Variants in SPATA22 observed in about 807,000 individuals in gnomAD.
The protein encoded by SPATA22 is spermatogenesis-associated protein 22.
In SPATA22, 29 loss-of-function variants were observed where a neutral mutation model predicts 47.8. The observed-to-expected ratio is 0.61, with a 90% CI of 0.45 to 0.83. SPATA22 has a LOEUF of 0.83. Among genes scored for constraint, SPATA22 ranks in the 40% least tolerant of loss-of-function variants. The pLI, the probability that SPATA22 is intolerant of heterozygous loss-of-function variation, is 0.00. For synonymous variants in SPATA22, 133 were observed against 140.9 expected (o/e 0.94, Z 0.40); for missense variants, 410 against 421.7 (o/e 0.97, Z 0.24).
chr17:3,463,134 A>G (rs35872587), intron 3 of SPATA22, among the ~76,000 whole-genome samples: 35,177 of 152,138 alleles, frequency 0.23, 4,347 homozygotes, highest in East Asian at 0.42. Flanking sequence ...CATGCATGAT[A>G]TATGTGTGAG....
chr17:3,494,590 G>T (rs551314039), intron 1 of SPATA22: 2 of 791,562 alleles, frequency 2.5e-6, no homozygotes, highest in Non-Finnish European at 4.3e-6. Flanking sequence ...AGTGTAGATA[G>T]GGAAGATGTT....
rs77106406 is a variant in SPATA22, at chr17:3,467,148, T to C, written c.172+278A>G. On this transcript the variant is annotated intron_variant, in intron 3 of 8. Coordinates refer to ENST00000572969, the MANE Select transcript of SPATA22 (RefSeq NM_001170698.2). ...CTATAACACAATATCCACGTGAATTTTGACAAAGAAAAAATATTTTTTACA... is the reference window on the plus strand; with the variant it reads ...CTATAACACAATATCCACGTGAATTCTGACAAAGAAAAAATATTTTTTACA... 4.2e-4 allele frequency among the ~76,000 whole-genome samples: 64 copies of C among 152,248 alleles called. 1 individual carries two copies. In the East Asian group the frequency reaches 5.0e-3, roughly 12 times the overall value.
At chr17:3,447,754 T>A (rs2072760238) in intron 6 of SPATA22, among the ~76,000 whole-genome samples, 1 of 152,136 alleles carries the variant, frequency 6.6e-6, no homozygotes, top group African/African-American at 2.4e-5. Flanking sequence ...AGGGGCTACA[T>A]CATGCAGTGA....
upstream of SPATA22, chr17:3,476,502 C>A: frequency 9.7e-7 from 1 of 1,035,630 alleles, no homozygotes; most frequent in Non-Finnish European, 1.5e-6. Context: ...CATGTCCGTA[C>A]ATGCAGTCGT....
chr17:3,496,929 G>A (rs1012383963), intron 1 of SPATA22, among the ~76,000 whole-genome samples: 1 of 152,172 alleles, frequency 6.6e-6, no homozygotes, highest in African/African-American at 2.4e-5. Flanking sequence ...AGCCGGGCAT[G>A]GTGGCAGGCG....
intron 1 of SPATA22, among the ~76,000 whole-genome samples, chr17:3,507,724 C>T (rs532023858): frequency 1.3e-5 from 2 of 152,322 alleles, no homozygotes; most frequent in South Asian, 4.1e-4. Flanking sequence ...ACCTACAAAA[C>T]AATAACCAAC....
intron 5 of SPATA22, among the ~76,000 whole-genome samples, chr17:3,458,981 C>A (rs979861796): frequency 6.6e-6 from 1 of 151,248 alleles, no homozygotes; most frequent in African/African-American, 2.4e-5. Flanking sequence ...AGAAGTAAAT[C>A]CTGCCATTTT....
chr17:3,461,739 G>A (rs1361715530), intron 5 of SPATA22, among the ~76,000 whole-genome samples: 1 of 151,990 alleles, frequency 6.6e-6, no homozygotes, highest in African/African-American at 2.4e-5. Context: ...AATGAGAATA[G>A]TATTAACTTC....
At chr17:3,495,783 G>C (rs2073898932) in intron 1 of SPATA22, among the ~76,000 whole-genome samples, 1 of 152,126 alleles carries the variant, frequency 6.6e-6, no homozygotes, top group Non-Finnish European at 1.5e-5. Flanking sequence ...TGGCCAGGAT[G>C]GTCTCAATCT....
intron 5 of SPATA22, among the ~76,000 whole-genome samples, chr17:3,451,545 C>G (rs1345907725): frequency 6.6e-6 from 1 of 152,146 alleles, no homozygotes; most frequent in Non-Finnish European, 1.5e-5. Flanking sequence ...TGAAGGATAA[C>G]TCACGTTAGG....
At chr17:3,467,332 A>C in intron 3 of SPATA22, 94 bp downstream of exon 3, 1 of 1,054,782 alleles carries the variant, frequency 9.5e-7, no homozygotes, top group Non-Finnish European at 1.3e-6. Context: ...AGAAGAAAAA[A>C]TAAACTTTCT....
intron 3 of SPATA22, among the ~76,000 whole-genome samples, chr17:3,465,865 T>C (rs190392728): frequency 2.6e-5 from 4 of 151,972 alleles, no homozygotes; most frequent in Admixed American, 2.6e-4. Flanking sequence ...TTCTGACAAA[T>C]AGTAACCCTG....
rs1399456897 is a variant in SPATA22, at chr17:3,443,182, A to G, written c.892T>C (p.Tyr298His). 6.2e-6 allele frequency: 10 copies of G among 1,606,478 alleles called. No individual in the cohort carries two copies. The Admixed American group carries it at 1.7e-4, about 27-fold the overall frequency. Residue 298 changes from tyrosine to histidine, a missense_variant, in exon 8 of 9, where the codon TAT becomes CAT. Transcript: ENST00000572969. ...ACTTTAAAAATACTCACGATTTCATAAAAGACACAAGGCAGAGTATTTTTC... is the reference window on the plus strand; with the variant it reads ...ACTTTAAAAATACTCACGATTTCATGAAAGACACAAGGCAGAGTATTTTTC... The part of the protein sequence containing the change: ...DGKNTLPCVF[Y>H]EIDRELPRLI...
At chr17:3,483,867 G>A (rs1396701219) in intron 1 of SPATA22, among the ~76,000 whole-genome samples, 4 of 151,892 alleles carry the variant, frequency 2.6e-5, no homozygotes, top group Non-Finnish European at 5.9e-5. Context: ...ATGTTAGCCA[G>A]GGCTGGCCTC....
rs2150727690 is a variant in SPATA22, at chr17:3,464,780, CCGGCAGCCGCCCCG to C, written c.173-2027_173-2014del. On this transcript the variant is annotated intron_variant, in intron 3 of 8. Transcript: ENST00000572969. ...TCTGAGAAGTGAGGAGCCCCTCCGC[CCGGCAGCCGCCCCG>C]TCTGAGAAGTGAGGAGCCCCTCCGC... is the stretch of plus-strand genomic sequence containing the variant. Among the ~76,000 whole-genome samples, 3 of 136,060 alleles carry C rather than the reference CCGGCAGCCGCCCCG, an allele frequency of 2.2e-5. No individual in the cohort carries two copies. The Admixed American group carries it at 2.3e-4, about 10-fold the overall frequency. The allele number at this position is 136,060 out of a possible 152,430, so 89.3% of individuals were successfully genotyped here.
At chr17:3,465,790 T>TAAAAAAAAAAA (rs10681973) in intron 3 of SPATA22, among the ~76,000 whole-genome samples, 1 of 147,514 alleles carries the variant, frequency 6.8e-6, no homozygotes. Flanking sequence ...AATAAAAATT[T>TAAAAAAAAAAA]AAAAAACAAA....
chr17:3,502,411 A>G (rs1159087936), intron 1 of SPATA22: 4 of 152,202 alleles, frequency 2.6e-5, no homozygotes, highest in Non-Finnish European at 4.4e-5. Context: ...GTATGCCTGT[A>G]ATGTATAAGT....
intron 7 of SPATA22, among the ~76,000 whole-genome samples, chr17:3,443,714 G>T (rs2150694045): frequency 6.6e-6 from 1 of 152,040 alleles, no homozygotes; most frequent in East Asian, 1.9e-4. Flanking sequence ...AATATTTTGT[G>T]ACTTTGAGCA....
chr17:3,464,393 G>T (rs1265611506), intron 3 of SPATA22, among the ~76,000 whole-genome samples: 2 of 140,800 alleles, frequency 1.4e-5, no homozygotes, highest in Non-Finnish European at 3.3e-5. Context: ...GCCTCTGCCC[G>T]GCCGCCACCC....
Sources: gnomAD v4.1 joint callset for allele counts (sites outside exome capture counted in the v4.1 genomes callset) on GRCh38, gnomAD v4.1.1 for gene constraint, MANE v1.5 for transcripts, NCBI Gene and HGNC (gene_info 2026-07-23, HGNC 2026-07-21) for gene names.